Variants in MTA3 observed in about 807,000 individuals in gnomAD.
MTA3 encodes metastasis associated 1 family member 3.
Under a neutral mutation model 83.5 loss-of-function variants are expected in MTA3, and 34 were observed. The observed-to-expected ratio is 0.41, with a 90% CI of 0.31 to 0.54. MTA3 has a LOEUF of 0.54. MTA3 is among the 20% of genes least tolerant of loss of function. MTA3 has a pLI of 0.33. For synonymous variants in MTA3, 303 were observed against 252.7 expected (o/e 1.20, Z -1.89); for missense variants, 761 against 726.4 (o/e 1.05, Z -0.55).
chr2:42,583,072 C>T (rs1456857519), intron 3 of MTA3, among the ~76,000 whole-genome samples: 3 of 151,848 alleles, frequency 2.0e-5, no homozygotes, highest in Admixed American at 1.3e-4. Flanking sequence ...TATTTTACCA[C>T]CAAAAAACGG....
chr2:42,699,481 C>T (rs372374759), intron 11 of MTA3, among the ~76,000 whole-genome samples: 1 of 152,184 alleles, frequency 6.6e-6, no homozygotes, highest in East Asian at 1.9e-4. Context: ...TTAAGATCAC[C>T]TGCTATATGT....
chr2:42,505,407 G>A (rs1225137844), intron 2 of MTA3, among the ~76,000 whole-genome samples: 1 of 151,666 alleles, frequency 6.6e-6, no homozygotes, highest in Non-Finnish European at 1.5e-5. Flanking sequence ...CAAAAAAAAA[G>A]GAGATGAGAT....
intron 3 of MTA3, among the ~76,000 whole-genome samples, chr2:42,598,497 G>T (rs1271307416): frequency 6.6e-6 from 1 of 152,118 alleles, no homozygotes; most frequent in East Asian, 1.9e-4. Flanking sequence ...TACATAATCT[G>T]TTTAAACCCT....
intron 4 of MTA3, among the ~76,000 whole-genome samples, chr2:42,632,086 G>C (rs935300772): frequency 7.9e-6 from 1 of 126,356 alleles, no homozygotes; most frequent in Admixed American, 9.9e-5. Context: ...CTTCCCAGCT[G>C]CTGGGTTTTT....
chr2:42,542,983 G>C (rs1676589752), intron 2 of MTA3, among the ~76,000 whole-genome samples: 1 of 152,134 alleles, frequency 6.6e-6, no homozygotes, highest in Admixed American at 6.6e-5. Flanking sequence ...GGAGTTTGGG[G>C]CTGGGGTTTT....
rs541240883 is a variant in MTA3, at chr2:42,556,181, CTGTT to C, written c.-140-14253_-140-14250del. Among the ~76,000 whole-genome samples the C allele has an allele frequency of 1.0e-3, 157 of 152,166 alleles. 3 individuals are homozygous for C. Among genetic ancestry groups the C allele is most frequent in the African/African-American group, 3.6e-3 (148 of 41,538 alleles). ...AGCCTGAGGCATGCAGCCAGCCTGA[CTGTT>C]TGGGTGTCTCCCAGTCTCATTCTTC... On this transcript the variant is annotated intron_variant, in intron 2 of 17. Transcript: ENST00000405592.
intron 1 of MTA3, among the ~76,000 whole-genome samples, chr2:42,570,131 T>C (rs1311969898): frequency 6.6e-6 from 1 of 152,180 alleles, no homozygotes; most frequent in Non-Finnish European, 1.5e-5. Context: ...ATGTTTAGCG[T>C]GCCCTGACTA....
chr2:42,750,507 G>T (rs1297912849), intron 16 of MTA3, among the ~76,000 whole-genome samples: 2 of 152,094 alleles, frequency 1.3e-5, no homozygotes, highest in African/African-American at 4.8e-5. Context: ...AGAACCTGTA[G>T]TGCAGTTCAC....
chr2:42,590,436 A>G (rs1328877955), intron 3 of MTA3, among the ~76,000 whole-genome samples: 1 of 152,074 alleles, frequency 6.6e-6, no homozygotes, highest in East Asian at 1.9e-4. Context: ...ACCTTCTGCC[A>G]TGACTGAAAG....
intron 16 of MTA3, among the ~76,000 whole-genome samples, chr2:42,753,082 C>G (rs947439953): frequency 6.6e-6 from 1 of 152,200 alleles, no homozygotes; most frequent in Non-Finnish European, 1.5e-5. Flanking sequence ...TGCACCACCA[C>G]ACCTGGCTAA....
At chr2:42,691,741 C>A (rs1692918580) in intron 9 of MTA3, among the ~76,000 whole-genome samples, 1 of 152,162 alleles carries the variant, frequency 6.6e-6, no homozygotes, top group Non-Finnish European at 1.5e-5. Flanking sequence ...TGTTTGTCAG[C>A]AAGTCTTTAT....
At chr2:42,729,100 T>TTTTTTTG (rs1668054712) in intron 16 of MTA3, among the ~76,000 whole-genome samples, 1 of 123,278 alleles carries the variant, frequency 8.1e-6, no homozygotes, top group African/African-American at 3.3e-5. Context: ...TTTTTTTTTT[T>TTTTTTTG]TTTTTTTTTT....
At chr2:42,690,012 A>G (rs1442849483) in intron 9 of MTA3, among the ~76,000 whole-genome samples, 2 of 151,940 alleles carry the variant, frequency 1.3e-5, no homozygotes, top group African/African-American at 2.4e-5. Context: ...AGATGTGGTA[A>G]CACACCCTGT....
At chr2:42,535,717 T>C (rs1676196243) in intron 2 of MTA3, among the ~76,000 whole-genome samples, 1 of 142,158 alleles carries the variant, frequency 7.0e-6, no homozygotes, top group African/African-American at 2.7e-5. Context: ...AGAATGAATG[T>C]TGGAGTAAGC....
chr2:42,723,045 C>G lies in MTA3; in HGVS notation c.1759+10C>G, dbSNP rs62144300. The G allele has an allele frequency of 2.6e-6, 4 of 1,549,948 alleles. No homozygotes were observed. Among genetic ancestry groups the G allele is most frequent in the Non-Finnish European group, 3.5e-6 (4 of 1,146,632 alleles). ...CACAATGGTCTGGATGGTATGTAAGCCCAGGAATTCTGGAGGCTGTTCTGA... is the reference window on the plus strand; with the variant it reads ...CACAATGGTCTGGATGGTATGTAAGGCCAGGAATTCTGGAGGCTGTTCTGA... On this transcript the variant is annotated intron_variant, in intron 16 of 16. Coordinates refer to ENST00000405094, the MANE Select transcript of MTA3 (RefSeq NM_001330442.2).
chr2:42,573,105 C>T (rs537779313), intron 2 of MTA3, among the ~76,000 whole-genome samples: 7 of 152,090 alleles, frequency 4.6e-5, no homozygotes, highest in South Asian at 2.1e-4. Context: ...TGTTTTCCTC[C>T]GATTTTCTAA....
chr2:42,560,382 G>C (rs1401176370), intron 2 of MTA3, among the ~76,000 whole-genome samples: 6 of 151,550 alleles, frequency 4.0e-5, no homozygotes, highest in Non-Finnish European at 8.8e-5. Flanking sequence ...GGTGGTGGAC[G>C]CCTATAATCT....
At chr2:42,639,483 A>T (rs1400561441) in intron 4 of MTA3, among the ~76,000 whole-genome samples, 2 of 152,024 alleles carry the variant, frequency 1.3e-5, no homozygotes, top group African/African-American at 2.4e-5. Context: ...TACCTACATA[A>T]CCTCAGTTTT....
At chr2:42,710,279 G>A (rs1036626196) in intron 14 of MTA3, among the ~76,000 whole-genome samples, 3 of 152,166 alleles carry the variant, frequency 2.0e-5, no homozygotes, top group Non-Finnish European at 4.4e-5. Flanking sequence ...AGGGCTGGGC[G>A]CGGTGGCTCA....
Sources: allele counts gnomAD v4.1 joint callset (sites outside exome capture counted in the v4.1 genomes callset), GRCh38; gene constraint gnomAD v4.1.1; transcripts MANE v1.5; gene names NCBI Gene and HGNC (gene_info 2026-07-23, HGNC 2026-07-21).